Variants in SDK2 observed in about 807,000 individuals in gnomAD.
SDK2 encodes the protein sidekick cell adhesion molecule 2.
A neutral mutation model predicts 253.9 loss-of-function variants in SDK2; 105 were observed. The observed-to-expected ratio is 0.41, with a 90% CI of 0.35 to 0.49. The LOEUF is 0.49. Among genes scored for constraint, SDK2 ranks in the 20% least tolerant of loss-of-function variants. The probability of loss-of-function intolerance (pLI) is 0.06; values close to 1 mark genes in which losing one functional copy is unlikely to be tolerated. For missense variants in SDK2, 2,608 were observed against 3,003.0 expected (o/e 0.87, Z 3.07); for synonymous variants, 1,249 against 1,234.9 (o/e 1.01, Z -0.24).
intron 36 of SDK2, among the ~76,000 whole-genome samples, chr17:73,375,230 C>CTTTTTTTTT (rs33992958): frequency 2.0e-4 from 12 of 58,660 alleles, no homozygotes; most frequent in African/African-American, 8.4e-4. Context: ...TCCTAACAAC[C>CTTTTTTTTT]TTTTTTTTTT....
At position 73,350,232 on chromosome 17, in the gene SDK2, A is replaced by T. The variant is rs200095133; in HGVS notation, c.6038+5T>A. 7 of 640,866 alleles carry T rather than the reference A, an allele frequency of 1.1e-5. No individual in the cohort carries two copies. The highest frequency in any genetic ancestry group is 5.1e-5 in the South Asian group (2 of 39,176). 39.7% of individuals were successfully genotyped at this position (640,866 alleles called of 1,614,324 possible). ...GGCCCCCAACCCACGCAGAGGGCCC[A>T]GTACCTGGTGTACAGGCCGTTCTTT... On this transcript the variant is annotated splice_donor_5th_base_variant and intron_variant, in intron 43 of 44. Transcript: ENST00000392650.
At chr17:73,501,381 T>G (rs1362348290) in intron 2 of SDK2, among the ~76,000 whole-genome samples, 1 of 152,242 alleles carries the variant, frequency 6.6e-6, no homozygotes, top group East Asian at 1.9e-4. Flanking sequence ...TCTGGGAAGC[T>G]GCGTGCCTGT....
At chr17:73,375,527 G>T (rs1276972065) in intron 36 of SDK2, among the ~76,000 whole-genome samples, 1 of 152,062 alleles carries the variant, frequency 6.6e-6, no homozygotes, top group African/African-American at 2.4e-5. Context: ...GATTACAGTT[G>T]TGAGCCACTG....
At chr17:73,466,718 C>A (rs1256939569) in intron 3 of SDK2, among the ~76,000 whole-genome samples, 2 of 141,098 alleles carry the variant, frequency 1.4e-5, no homozygotes, top group African/African-American at 2.8e-5. Context: ...GGGGAACGCC[C>A]CCCCCCCCCG....
At chr17:73,591,598 G>C (rs977978175) in intron 1 of SDK2, among the ~76,000 whole-genome samples, 7 of 152,180 alleles carry the variant, frequency 4.6e-5, no homozygotes, top group African/African-American at 1.7e-4. Flanking sequence ...GGGAATGCTG[G>C]TGCTCAAAGA....
At chr17:73,449,213 G>A (rs908744243) in intron 4 of SDK2, among the ~76,000 whole-genome samples, 5 of 152,134 alleles carry the variant, frequency 3.3e-5, no homozygotes, top group Non-Finnish European at 5.9e-5. Context: ...CACCCACACC[G>A]GCTCTTCCTC....
At chr17:73,567,567 C>A (rs996641393) in intron 1 of SDK2, among the ~76,000 whole-genome samples, 1 of 152,256 alleles carries the variant, frequency 6.6e-6, no homozygotes, top group Non-Finnish European at 1.5e-5. Context: ...ACAACCTCAA[C>A]ATGAACAGGC....
rs1345598477 is a variant in SDK2 at position 73,336,488 on chromosome 17, C to G, written c.*2099G>C. ...CCGCTTTTTGGACACTGGAGCTGGG[C>G]TGGCCTGTCTGCTGAGCCATCTTCC... On this transcript the variant is annotated 3_prime_UTR_variant, in exon 45 of 45. Coordinates refer to ENST00000392650, the MANE Select transcript of SDK2 (RefSeq NM_001144952.2). The G allele has an allele frequency of 2.0e-5, 3 of 152,596 alleles. No homozygotes were observed. The highest frequency in any genetic ancestry group is 4.4e-5 in the Non-Finnish European group (3 of 68,068). 9.5% of individuals were successfully genotyped at this position (152,596 alleles called of 1,614,324 possible). A position where few individuals can be genotyped will look rare whatever the true frequency, so the allele number is the denominator to read the frequency against.
intron 1 of SDK2, among the ~76,000 whole-genome samples, chr17:73,569,219 A>T: frequency 1.4e-5 from 2 of 141,006 alleles, no homozygotes; most frequent in Non-Finnish European, 1.5e-5. Context: ...TTTTTTTGAG[A>T]TGGAGTCTCA....
At chr17:73,404,257 T>C (rs975492507) in intron 18 of SDK2, among the ~76,000 whole-genome samples, 1 of 152,146 alleles carries the variant, frequency 6.6e-6, no homozygotes, top group Non-Finnish European at 1.5e-5. Flanking sequence ...TACTCTGGGA[T>C]GTGAGCCACT....
chr17:73,397,472 G>A (rs1040437233), intron 24 of SDK2, among the ~76,000 whole-genome samples: 5 of 152,194 alleles, frequency 3.3e-5, no homozygotes, highest in Middle Eastern at 3.2e-3. Flanking sequence ...CTTCTGCCCC[G>A]GTTTCCTCAT....
At chr17:73,553,139 G>A (rs1283058115) in intron 1 of SDK2, among the ~76,000 whole-genome samples, 1 of 152,188 alleles carries the variant, frequency 6.6e-6, no homozygotes, top group Non-Finnish European at 1.5e-5. Flanking sequence ...GCCCCACTCT[G>A]GGCATGGAGG....
At chr17:73,574,077 T>C (rs1009717141) in intron 1 of SDK2, among the ~76,000 whole-genome samples, 1 of 152,082 alleles carries the variant, frequency 6.6e-6, no homozygotes, top group South Asian at 2.1e-4. Flanking sequence ...TTCCTCACTG[T>C]CTGCCTGACC....
chr17:73,361,882 G>A lies in SDK2; in HGVS notation c.5306-37C>T, dbSNP rs879764318. 2 of 1,535,758 alleles carry A rather than the reference G, an allele frequency of 1.3e-6. No individual in the cohort carries two copies. Among genetic ancestry groups the A allele is most frequent in the Non-Finnish European group, 1.8e-6 (2 of 1,131,652 alleles). ...ACAGCAAGTGGGGACTGGGCACAGG[G>A]CCCACCGAGGGCACTGGAGGCCATG... On this transcript the variant is annotated intron_variant, in intron 38 of 44. Transcript: ENST00000392650. This position sits in a 1 kb window ranked among gnomAD's most constrained non-coding sequence, Gnocchi z 4.1.
intron 36 of SDK2, among the ~76,000 whole-genome samples, chr17:73,376,274 T>C (rs747039909): frequency 7.3e-6 from 1 of 136,974 alleles, no homozygotes; most frequent in Non-Finnish European, 1.5e-5. Context: ...CTGGCGGTAT[T>C]ATTTATTTTG....
intron 1 of SDK2, among the ~76,000 whole-genome samples, chr17:73,542,355 G>A (rs994056008): frequency 1.1e-4 from 17 of 152,248 alleles, no homozygotes; most frequent in African/African-American, 4.1e-4. Flanking sequence ...ACAAGAGAGA[G>A]CAGGGGTCCT....
At chr17:73,548,529 C>T (rs1195983874) in intron 1 of SDK2, among the ~76,000 whole-genome samples, 2 of 152,252 alleles carry the variant, frequency 1.3e-5, no homozygotes, top group Non-Finnish European at 2.9e-5. Flanking sequence ...ATTTGTGGGA[C>T]ACAGAAACCG....
intron 1 of SDK2, among the ~76,000 whole-genome samples, chr17:73,567,567 C>T (rs996641393): frequency 3.3e-5 from 5 of 152,256 alleles, no homozygotes; most frequent in African/African-American, 1.2e-4. Context: ...ACAACCTCAA[C>T]ATGAACAGGC....
intron 3 of SDK2, among the ~76,000 whole-genome samples, chr17:73,460,685 CTTCT>C (rs1433515998): frequency 6.6e-6 from 1 of 152,174 alleles, no homozygotes; most frequent in Non-Finnish European, 1.5e-5. Flanking sequence ...CTGCCAAGAA[CTTCT>C]TTCTAGGTAG....
Sources: gnomAD v4.1 joint callset for allele counts (sites outside exome capture counted in the v4.1 genomes callset) on GRCh38, gnomAD v4.1.1 for gene constraint, Gnocchi (gnomAD v3.1) non-coding constraint, MANE v1.5 for transcripts, NCBI Gene and HGNC (gene_info 2026-07-23, HGNC 2026-07-21) for gene names.